The following TSHR variants were observed in gnomAD, a reference collection of about 807,000 sequenced individuals.
TSHR encodes thyrotropin receptor.
TSHR carries 51 observed loss-of-function variants against 64.1 expected under a neutral mutation model. The observed-to-expected ratio is 0.80, with a 90% CI of 0.64 to 1.01. The LOEUF is 1.01. Among genes scored for constraint, TSHR ranks in the 50% least tolerant of loss-of-function variants. The pLI is 0.00. For missense variants in TSHR, 877 were observed against 942.8 expected, an observed-to-expected ratio of 0.93 and a Z score of 0.91; for synonymous variants, 361 against 361.9, an observed-to-expected ratio of 1.00 and a Z score of 0.03.
At chr14:81,099,885 A>C (rs1309311238) in intron 7 of TSHR, among the ~76,000 whole-genome samples, 1 of 152,210 alleles carries the variant, frequency 6.6e-6, no homozygotes, top group Non-Finnish European at 1.5e-5. Flanking sequence ...GTCTTCTTCA[A>C]TCAGGAAGTG....
At chr14:80,966,588 A>T (rs995182227) in intron 1 of TSHR, among the ~76,000 whole-genome samples, 43 of 152,286 alleles carry the variant, frequency 2.8e-4, no homozygotes, top group African/African-American at 9.6e-4. Flanking sequence ...AGCAAAAAAA[A>T]AAATAAAAAT....
At chr14:80,971,106 G>C (rs1392162171) in intron 1 of TSHR, among the ~76,000 whole-genome samples, 1 of 152,160 alleles carries the variant, frequency 6.6e-6, no homozygotes, top group Non-Finnish European at 1.5e-5. Flanking sequence ...TTACAAGCGT[G>C]AGCCACCATA....
chr14:80,965,127 C>T (rs554284139), intron 1 of TSHR, among the ~76,000 whole-genome samples: 32 of 152,300 alleles, frequency 2.1e-4, no homozygotes, highest in African/African-American at 6.7e-4. Flanking sequence ...GAGGAGGTAA[C>T]GATTGGTCGG....
At chr14:81,044,474 C>T (rs773406386) in intron 1 of TSHR, among the ~76,000 whole-genome samples, 4 of 151,984 alleles carry the variant, frequency 2.6e-5, no homozygotes, top group South Asian at 2.1e-4. Flanking sequence ...CTGGCTAACA[C>T]GGTGAAACCC....
intron 1 of TSHR, among the ~76,000 whole-genome samples, chr14:81,039,393 C>T (rs12184963): frequency 0.24 from 37,144 of 151,692 alleles, 4,669 homozygotes; most frequent in South Asian, 0.33. Flanking sequence ...ATACTGAACA[C>T]GGAAAAGTTC....
intron 8 of TSHR, among the ~76,000 whole-genome samples, chr14:81,129,413 A>G (rs555174096): frequency 5.5e-4 from 83 of 152,290 alleles, no homozygotes; most frequent in Non-Finnish European, 9.1e-4. Context: ...TCTCTGTCTC[A>G]TCAGCCTCTT....
At position 81,143,671 on chromosome 14, in the gene TSHR, C is replaced by T. The variant is rs949345504; in HGVS notation, c.1613C>T (p.Ala538Val). The T allele has an allele frequency of 1.9e-6, 3 of 1,614,102 alleles. No individual in the cohort carries two copies. The highest frequency in any genetic ancestry group is 2.5e-6 in the Non-Finnish European group (3 of 1,180,058). ...RLDRKIRLRH[A>V]CAIMVGGWVC... ...GACCGGAAGATCCGCCTCAGGCACGCATGTGCCATCATGGTTGGGGGCTGG... is the reference window on the plus strand; with the variant it reads ...GACCGGAAGATCCGCCTCAGGCACGTATGTGCCATCATGGTTGGGGGCTGG... The change falls in exon 10 of 10, where the codon GCA becomes GTA. Residue 538 changes from alanine (A) to valine (V), a missense_variant. Ala to Val is a moderately conservative substitution (Grantham distance 64). Transcript: ENST00000298171.
chr14:81,028,228 G>A (rs1245988029), intron 1 of TSHR, among the ~76,000 whole-genome samples: 3 of 152,080 alleles, frequency 2.0e-5, no homozygotes, highest in South Asian at 2.1e-4. Flanking sequence ...AAAACAAAGT[G>A]TAATGAACTT....
intron 8 of TSHR, among the ~76,000 whole-genome samples, chr14:81,137,370 T>C (rs1891496605): frequency 6.6e-6 from 1 of 152,190 alleles, no homozygotes. Context: ...TTGACACTCT[T>C]CCCATTAAGA....
intron 7 of TSHR, among the ~76,000 whole-genome samples, chr14:81,099,085 A>G (rs1012391695): frequency 1.3e-5 from 2 of 152,198 alleles, no homozygotes; most frequent in Non-Finnish European, 2.9e-5. Flanking sequence ...CAAAGCACTA[A>G]TGCCTAGGTT....
At chr14:81,109,532 T>C (rs1005724455) in intron 8 of TSHR, among the ~76,000 whole-genome samples, 2 of 152,240 alleles carry the variant, frequency 1.3e-5, no homozygotes, top group African/African-American at 4.8e-5. Flanking sequence ...TTATACTTAT[T>C]TTTAAATAAG....
In TSHR at chr14:81,103,318, G is replaced by A. The variant is rs1889700057; in HGVS notation, c.615-5057G>A. On this transcript the variant is annotated intron_variant, in intron 7 of 9. Transcript: ENST00000298171. The surrounding 1 kb of genome is among the most constrained non-coding windows in gnomAD (Gnocchi z 4.1). ...TAATAGTGTTCAAGGATTTCACATG[G>A]CATGTTAGCAATTTGGTAATTTCTC... The A allele has an allele frequency of 1.0e-6, 1 of 985,246 alleles. No individual in the cohort carries two copies. The highest frequency in any genetic ancestry group is 1.2e-6 in the Non-Finnish European group (1 of 829,918). The allele number at this position is 985,246 out of a possible 1,614,324, so 61.0% of individuals were successfully genotyped here.
chr14:81,026,469 C>T (rs1306091447), intron 1 of TSHR, among the ~76,000 whole-genome samples: 1 of 152,036 alleles, frequency 6.6e-6, no homozygotes, highest in African/African-American at 2.4e-5. Context: ...ACCCTATTTA[C>T]ATAAAGAAGC....
intron 1 of TSHR, among the ~76,000 whole-genome samples, chr14:81,043,408 C>G (rs1594991609): frequency 6.6e-6 from 1 of 152,130 alleles, no homozygotes; most frequent in East Asian, 1.9e-4. Flanking sequence ...ACAAGGAGAA[C>G]TACAAACCAC....
intron 1 of TSHR, among the ~76,000 whole-genome samples, chr14:80,972,677 A>T: frequency 6.6e-6 from 1 of 152,184 alleles, no homozygotes; most frequent in Non-Finnish European, 1.5e-5. Flanking sequence ...TAGTACATTC[A>T]CAATAGTGTA....
chr14:81,080,555 T>C (rs1887828684), intron 3 of TSHR, among the ~76,000 whole-genome samples: 1 of 151,790 alleles, frequency 6.6e-6, no homozygotes, highest in African/African-American at 2.4e-5. Context: ...TGAATACTTA[T>C]AAACTCTCCT....
intron 1 of TSHR, chr14:80,982,959 T>C (rs1888247839): frequency 5.7e-6 from 3 of 529,826 alleles, no homozygotes; most frequent in Admixed American, 5.5e-5. Context: ...CTGAGGAATT[T>C]GAACAACTTG....
intron 4 of TSHR, among the ~76,000 whole-genome samples, chr14:81,090,537 G>A (rs976589673): frequency 1.3e-5 from 2 of 148,486 alleles, no homozygotes; most frequent in South Asian, 2.1e-4. Flanking sequence ...CCCTGTGCCC[G>A]GCTCTCTGGA....
At chr14:81,007,577 A>C (rs1046616956) in intron 1 of TSHR, among the ~76,000 whole-genome samples, 1 of 152,182 alleles carries the variant, frequency 6.6e-6, no homozygotes, top group Non-Finnish European at 1.5e-5. Flanking sequence ...ATGTCCTATC[A>C]CTGATGTTGT....
Sources: allele counts gnomAD v4.1 joint callset (sites outside exome capture counted in the v4.1 genomes callset), GRCh38; gene constraint gnomAD v4.1.1; non-coding constraint Gnocchi (gnomAD v3.1); transcripts MANE v1.5; gene names NCBI Gene and HGNC (gene_info 2026-07-23, HGNC 2026-07-21).